The following RAPGEF2 variants were observed in gnomAD, a reference collection of about 807,000 sequenced individuals.
RAPGEF2 encodes Rap guanine nucleotide exchange factor 2, also known as PDZ domain containing guanine nucleotide exchange factor (GEF) 1.
In RAPGEF2, 54 loss-of-function variants were observed where a neutral mutation model predicts 186.7. That is an observed-to-expected ratio of 0.29 (90% CI 0.23 to 0.36). The LOEUF (loss-of-function observed/expected upper bound fraction) is 0.36, where lower values mean the gene tolerates loss of function less well. Ranked by LOEUF, RAPGEF2 falls within the 10% of genes least tolerant of loss-of-function variation. RAPGEF2 has a pLI of 1.00. For missense variants in RAPGEF2, 1,532 were observed against 2,045.0 expected (o/e 0.75, Z 4.84); for synonymous variants, 712 against 705.9 (o/e 1.01, Z -0.14).
chr4:159,164,309 T>G (rs1325770682), intron 1 of RAPGEF2, among the ~76,000 whole-genome samples: 2 of 151,846 alleles, frequency 1.3e-5, no homozygotes, highest in Admixed American at 6.6e-5. Context: ...CGGCTGTTTT[T>G]TTTTTTTTTT....
At chr4:159,220,227 A>G (rs1751402980) in intron 4 of RAPGEF2, among the ~76,000 whole-genome samples, 2 of 152,182 alleles carry the variant, frequency 1.3e-5, no homozygotes, top group Non-Finnish European at 2.9e-5. Context: ...TGTAAAGTCA[A>G]GAGGGGTTTG....
Position 159,345,106 on chromosome 4 carries a change from G to T in RAPGEF2, c.3279G>T (p.Gly1093=). 6.2e-7 allele frequency: 1 copy of T among 1,612,828 alleles called. No individual in the cohort carries two copies. Among genetic ancestry groups the T allele is most frequent in the Non-Finnish European group, 8.5e-7 (1 of 1,178,896 alleles). Residue 1093 remains glycine (G), a splice_region_variant and synonymous_variant, in exon 24 of 30, where the codon GGG becomes GGT. Coordinates refer to ENST00000691494, the MANE Select transcript of RAPGEF2 (RefSeq NM_001394067.2). ...GCATATGTACCTTTTCATCTTCCAG[G>T]TCTCTCAGCCAGGGTAGTACAAATG... ...RTRKKKWRSL[G]SLSQGSTNAT...
chr4:159,113,619 G>A (rs1738736968), intron 1 of RAPGEF2, among the ~76,000 whole-genome samples: 1 of 151,522 alleles, frequency 6.6e-6, no homozygotes, highest in South Asian at 2.1e-4. Context: ...GCGCATGCTT[G>A]TAATTCCAGC....
intron 1 of RAPGEF2, among the ~76,000 whole-genome samples, chr4:159,145,710 T>A: frequency 6.6e-6 from 1 of 152,126 alleles, no homozygotes; most frequent in East Asian, 1.9e-4. Context: ...ATAGAAAATA[T>A]ATGTTTAAGA....
rs1732467851 is a variant in RAPGEF2, at chr4:159,359,273, A to T, written c.*1134A>T. The T allele has an allele frequency of 6.6e-6, 1 of 152,076 alleles. No individual in the cohort carries two copies. 9.4% of individuals were successfully genotyped at this position (152,076 alleles called of 1,614,324 possible). The stretch of plus-strand genomic sequence containing the variant: ...CTTTCAAGACAGCCTCCCTTTATTG[A>T]ATTGGCATTAGGGAATAAACAAGCC... On this transcript the variant is annotated 3_prime_UTR_variant, in exon 30 of 30. Transcript: ENST00000691494.
intron 17 of RAPGEF2, among the ~76,000 whole-genome samples, chr4:159,336,863 G>A (rs968428043): frequency 2.0e-5 from 3 of 152,038 alleles, no homozygotes; most frequent in African/African-American, 7.2e-5. Flanking sequence ...TTTTATTTAT[G>A]ACACCTTAGT....
rs1398496662 is a variant in RAPGEF2 at position 159,289,986 on chromosome 4, A to C, written c.544-14356A>C. Among the ~76,000 whole-genome samples, 3 of 152,306 alleles carry C rather than the reference A, an allele frequency of 2.0e-5. No homozygotes were observed. In the East Asian group the frequency reaches 5.8e-4, roughly 29 times the overall value. ...AGACAGTGGGGTGCAGTGGTTAGGA[A>C]TATAACTTTTTCCAAAGGGAAAGAG... On this transcript the variant is annotated intron_variant, in intron 7 of 29. Coordinates refer to ENST00000691494, the MANE Select transcript of RAPGEF2 (RefSeq NM_001394067.2).
rs547712780 is a variant in RAPGEF2 at position 159,188,444 on chromosome 4, A to G, written c.140+1732A>G. Among the ~76,000 whole-genome samples the G allele has an allele frequency of 4.6e-5, 7 of 152,200 alleles. No individual in the cohort carries two copies. In the South Asian group the frequency reaches 8.3e-4, roughly 18 times the overall value. On this transcript the variant is annotated intron_variant, in intron 2 of 29. Coordinates refer to ENST00000691494, the MANE Select transcript of RAPGEF2 (RefSeq NM_001394067.2). ...TTTGGGTGGCCGAGGTGGGTGGATC[A>G]CTTGAGGTCAGGAGTTCAACACTAG...
chr4:159,337,955 T>TAA, intron 17 of RAPGEF2, among the ~76,000 whole-genome samples: 1 of 147,882 alleles, frequency 6.8e-6, no homozygotes, highest in South Asian at 2.2e-4. Flanking sequence ...ACTATACACT[T>TAA]AAGAAACAGC....
Position 159,104,139 on chromosome 4 carries a change from C to T in RAPGEF2, c.-24C>T. The T allele has an allele frequency of 2.0e-6, 3 of 1,504,074 alleles. No homozygotes were observed. Among genetic ancestry groups the T allele is most frequent in the African/African-American group, 2.8e-5 (2 of 71,284 alleles). 93.2% of individuals were successfully genotyped at this position (1,504,074 alleles called of 1,614,324 possible). A position where few individuals can be genotyped will look rare whatever the true frequency, so the allele number is the denominator to read the frequency against. On this transcript the variant is annotated 5_prime_UTR_variant, in exon 1 of 30. Coordinates refer to ENST00000691494, the MANE Select transcript of RAPGEF2 (RefSeq NM_001394067.2). The stretch of plus-strand genomic sequence containing the variant: ...GGAGGCCGGCCAGGGTGCGGAGCGG[C>T]CCCGGCCCGCTCCCAGAGGGGAGAT...
chr4:159,289,406 A>G (rs954133000), intron 7 of RAPGEF2, among the ~76,000 whole-genome samples: 1 of 152,196 alleles, frequency 6.6e-6, no homozygotes, highest in Non-Finnish European at 1.5e-5. Flanking sequence ...AATTTATTGC[A>G]TAACTACAGT....
chr4:159,234,090 C>T (rs947268584), intron 4 of RAPGEF2, among the ~76,000 whole-genome samples: 7 of 151,308 alleles, frequency 4.6e-5, no homozygotes, highest in African/African-American at 1.7e-4. Flanking sequence ...TGTAGATCAC[C>T]TTATGTAGTT....
intron 3 of RAPGEF2, among the ~76,000 whole-genome samples, chr4:159,198,270 CCTTCTTTCTTTCTTTCTTT>C (rs1748926155): frequency 3.6e-5 from 2 of 55,696 alleles, no homozygotes; most frequent in East Asian, 3.6e-4. Context: ...CTCTTTCTTT[CCTTCTTTCTTTCTTTCTTT>C]CTTTCTTTCT....
In RAPGEF2 at chr4:159,108,388, T is replaced by C. The variant is rs913530214; in HGVS notation, c.69+4157T>C. ...CTGGAATTTCACAGAACTTTCTTTTTTTTTTTTTTTTTTTTTTTAAGGAGA... is the reference window on the plus strand; with the variant it reads ...CTGGAATTTCACAGAACTTTCTTTTCTTTTTTTTTTTTTTTTTTAAGGAGA... On this transcript the variant is annotated intron_variant, in intron 1 of 29. Transcript: ENST00000691494. Among the ~76,000 whole-genome samples, 213 of 148,004 alleles carry C rather than the reference T, an allele frequency of 1.4e-3. 1 individual carries two copies. Among genetic ancestry groups the C allele is most frequent in the Middle Eastern group, 3.5e-3 (1 of 284 alleles).
intron 4 of RAPGEF2, among the ~76,000 whole-genome samples, chr4:159,235,967 C>G (rs191298519): frequency 6.6e-6 from 1 of 152,148 alleles, no homozygotes; most frequent in Non-Finnish European, 1.5e-5. Flanking sequence ...TCAGGCCTAG[C>G]GTGTGCACTC....
Position 159,332,571 on chromosome 4 carries a change from T to C in RAPGEF2, c.2009T>C (p.Val670Ala), listed in dbSNP as rs555411583. Residue 670 changes from valine to alanine, a missense_variant, in exon 17 of 30, where the codon GTA (valine) becomes GCA (alanine). Val to Ala is a moderately conservative substitution (Grantham distance 64). Transcript: ENST00000691494. ...TCCATTCCAGATCTTGCTGTAGATG[T>C]AGAACAGGTGATAGGACTTGAAAAA... ...RYSIPDLAVD[V>A]EQVIGLEKVN... The C allele has an allele frequency of 6.2e-7, 1 of 1,614,070 alleles. No homozygotes were observed. The highest frequency in any genetic ancestry group is 1.3e-5 in the African/African-American group (1 of 75,004).
chr4:159,273,842 G>C (rs1758501334), intron 7 of RAPGEF2, among the ~76,000 whole-genome samples: 1 of 152,076 alleles, frequency 6.6e-6, no homozygotes, highest in African/African-American at 2.4e-5. Flanking sequence ...GCCTGGGCTG[G>C]AGTGCAGTGG....
chr4:159,223,989 C>T (rs1211085623), intron 4 of RAPGEF2, among the ~76,000 whole-genome samples: 1 of 152,014 alleles, frequency 6.6e-6, no homozygotes, highest in Non-Finnish European at 1.5e-5. Flanking sequence ...ACCTCCACCT[C>T]TCAGGCTCAA....
At chr4:159,262,307 GC>G in intron 7 of RAPGEF2, among the ~76,000 whole-genome samples, 1 of 152,272 alleles carries the variant, frequency 6.6e-6, no homozygotes, top group Admixed American at 6.5e-5. Context: ...TTGTGCTCAT[GC>G]AACATATTAA....
Sources: gnomAD v4.1 joint callset for allele counts (sites outside exome capture counted in the v4.1 genomes callset) on GRCh38, gnomAD v4.1.1 for gene constraint, MANE v1.5 for transcripts, NCBI Gene and HGNC (gene_info 2026-07-23, HGNC 2026-07-21) for gene names.